Variants in ZCCHC4 observed in about 807,000 individuals in gnomAD.
ZCCHC4 encodes rRNA N(6)-adenosine-methyltransferase ZCCHC4.
In ZCCHC4, 54 loss-of-function variants were observed where a neutral mutation model predicts 67.7. The ratio of observed to expected loss-of-function variants is 0.80; its 90% CI spans 0.64 to 1.00. ZCCHC4 has a LOEUF of 1.00. Among genes scored for constraint, ZCCHC4 ranks in the 50% least tolerant of loss-of-function variants. The probability of loss-of-function intolerance (pLI) is 0.00; values close to 1 mark genes in which losing one functional copy is unlikely to be tolerated. For missense variants in ZCCHC4, 609 were observed against 617.0 expected (o/e 0.99, Z 0.14); for synonymous variants, 198 against 213.5 (o/e 0.93, Z 0.63).
chr4:25,365,929 A>C, intron 12 of ZCCHC4: 1 of 984,450 alleles, frequency 1.0e-6, no homozygotes, highest in Non-Finnish European at 1.2e-6. Flanking sequence ...CTTTATTGCT[A>C]AGAAAACTAA....
intron 5 of ZCCHC4, among the ~76,000 whole-genome samples, chr4:25,339,505 T>C (rs1719624488): frequency 1.3e-5 from 2 of 152,380 alleles, no homozygotes; most frequent in East Asian, 3.9e-4. Context: ...TTGTATTCCA[T>C]GATGGCTAGT....
At chr4:25,331,543 G>A (rs955643011) in intron 3 of ZCCHC4, among the ~76,000 whole-genome samples, 12 of 152,216 alleles carry the variant, frequency 7.9e-5, no homozygotes, top group African/African-American at 2.9e-4. Context: ...CTGGCCTCAA[G>A]TGATCCTCCT....
chr4:25,313,065 T>A, intron 1 of ZCCHC4, 129 bp downstream of exon 1: 2 of 1,335,228 alleles, frequency 1.5e-6, no homozygotes, highest in South Asian at 2.8e-5. Context: ...TAGAAAATAC[T>A]CCTTCCTCGG....
Position 25,333,906 on chromosome 4 carries a change from AGG to A in ZCCHC4, c.606-1_606del. On this transcript the variant is annotated splice_acceptor_variant and coding_sequence_variant, in exon 5 of 13. Coordinates refer to ENST00000302874, the MANE Select transcript of ZCCHC4 (RefSeq NM_024936.3). LOFTEE classifies it high-confidence loss of function. Reference sequence around the variant, plus strand: ...TACATTTGCTTTCACTAATTGCTTTAGGTTGCATGAGCTGATCAAGTTGACAG... The same window carrying A: ...TACATTTGCTTTCACTAATTGCTTTATTGCATGAGCTGATCAAGTTGACAG... The A allele has an allele frequency of 1.3e-6, 2 of 1,584,366 alleles. No homozygotes were observed. Among genetic ancestry groups the A allele is most frequent in the Non-Finnish European group, 1.7e-6 (2 of 1,171,142 alleles).
In ZCCHC4 at chr4:25,365,174, G is replaced by GA. The variant is rs1560418652; in HGVS notation, c.1406+10dup. On this transcript the variant is annotated intron_variant, in intron 12 of 12. Coordinates refer to ENST00000302874, the MANE Select transcript of ZCCHC4 (RefSeq NM_024936.3). ...ATCTAAGAGAGCTAACAAGTCAGTC[G>GA]AATACTTTACTAGAAAAATGTATTC... The GA allele has an allele frequency of 6.2e-7, 1 of 1,613,340 alleles. No homozygotes were observed. The highest frequency in any genetic ancestry group is 8.5e-7 in the Non-Finnish European group (1 of 1,179,672).
At position 25,316,324 on chromosome 4, in the gene ZCCHC4, T is replaced by G. The variant is rs558444140; in HGVS notation, c.329+924T>G. On this transcript the variant is annotated intron_variant, in intron 3 of 12. Coordinates refer to ENST00000302874, the MANE Select transcript of ZCCHC4 (RefSeq NM_024936.3). ...TATTAGTTTGAGACCCTGTCTTCAA[T>G]TCTTTTGGGTATATACCTAGATGTG... is the stretch of plus-strand genomic sequence containing the variant. Among the ~76,000 whole-genome samples the G allele has an allele frequency of 7.2e-5, 11 of 152,344 alleles. No homozygotes were observed. In the South Asian group the frequency reaches 2.3e-3, roughly 32 times the overall value.
intron 3 of ZCCHC4, among the ~76,000 whole-genome samples, chr4:25,327,394 CTCCCTCCTTCCCTCCT>C (rs796441070): frequency 2.4e-4 from 34 of 139,652 alleles, no homozygotes; most frequent in African/African-American, 4.4e-4. Context: ...CCCTCCCTCC[CTCCCTCCTTCCCTCCT>C]TCCCTCCTTC....
intron 10 of ZCCHC4, 66 bp downstream of exon 10, chr4:25,362,367 T>A: frequency 9.1e-7 from 1 of 1,096,560 alleles, no homozygotes; most frequent in Non-Finnish European, 1.3e-6. Flanking sequence ...TTACTAGTTT[T>A]ATTACTTTTT....
chr4:25,342,957 T>A (rs1324682026), intron 5 of ZCCHC4, among the ~76,000 whole-genome samples: 1 of 152,212 alleles, frequency 6.6e-6, no homozygotes, highest in Non-Finnish European at 1.5e-5. Flanking sequence ...TTCTAATTTT[T>A]AAAAATGACT....
chr4:25,363,608 T>C (rs1720836468), intron 10 of ZCCHC4, among the ~76,000 whole-genome samples: 1 of 152,230 alleles, frequency 6.6e-6, no homozygotes, highest in Non-Finnish European at 1.5e-5. Context: ...AGAAAGCACA[T>C]TTTTCTTGAT....
chr4:25,333,304 A>T lies in ZCCHC4; in HGVS notation c.451A>T (p.Ile151Phe), dbSNP rs1401252477. The change falls in exon 4 of 13, where the codon ATT (isoleucine) becomes TTT (phenylalanine). Residue 151 changes from isoleucine (I) to phenylalanine (F), a missense_variant. Ile to Phe is a conservative substitution (Grantham distance 21, BLOSUM62 0). Transcript: ENST00000302874. ...SEHQVLGNVS[I>F]TQLRRPSQLL... The stretch of plus-strand genomic sequence containing the variant: ...GCATCAGGTTCTGGGTAATGTGTCC[A>T]TTACCCAGTTAAGAAGGCCCAGTCA... The T allele has an allele frequency of 6.2e-7, 1 of 1,614,020 alleles. No homozygotes were observed. Among genetic ancestry groups the T allele is most frequent in the Non-Finnish European group, 8.5e-7 (1 of 1,180,018 alleles).
intron 3 of ZCCHC4, among the ~76,000 whole-genome samples, chr4:25,327,386 C>CTCCCTCCCTCCCTCCT (rs1718938986): frequency 7.2e-6 from 1 of 139,038 alleles, no homozygotes; most frequent in African/African-American, 3.0e-5. Flanking sequence ...ATCTCCCTCC[C>CTCCCTCCCTCCCTCCT]TCCCTCCCTC....
At chr4:25,355,859 G>C (rs952607733) in intron 8 of ZCCHC4, among the ~76,000 whole-genome samples, 2 of 152,194 alleles carry the variant, frequency 1.3e-5, no homozygotes, top group African/African-American at 4.8e-5. Flanking sequence ...AGACTTTGCT[G>C]CTGTGGTAGA....
chr4:25,353,459 C>G (rs1720394771), intron 8 of ZCCHC4, among the ~76,000 whole-genome samples: 2 of 152,318 alleles, frequency 1.3e-5, no homozygotes, highest in Non-Finnish European at 2.9e-5. Context: ...TGTTTCTTGT[C>G]TGAGGGATGC....
chr4:25,362,419 T>A, intron 10 of ZCCHC4, 118 bp downstream of exon 10: 1 of 572,536 alleles, frequency 1.7e-6, no homozygotes, highest in Non-Finnish European at 2.7e-6. Flanking sequence ...ATATGTATTA[T>A]CATTTATTAA....
At chr4:25,351,924 C>G (rs889006913) in intron 8 of ZCCHC4, 15 of 1,136,382 alleles carry the variant, frequency 1.3e-5, no homozygotes, top group Non-Finnish European at 1.6e-5. Context: ...AGGACAAAGC[C>G]CCAAGAAAAA....
chr4:25,324,500 A>T (rs1321718373), intron 3 of ZCCHC4, among the ~76,000 whole-genome samples: 1 of 152,212 alleles, frequency 6.6e-6, no homozygotes, highest in Non-Finnish European at 1.5e-5. Context: ...GTGTTGTAGA[A>T]AAAAGCTGCT....
chr4:25,351,810 C>T (rs1720313277), intron 8 of ZCCHC4, 121 bp downstream of exon 8: 1 of 1,007,628 alleles, frequency 9.9e-7, no homozygotes, highest in African/African-American at 1.7e-5. Context: ...TAATATTATA[C>T]CATATATAGC....
At chr4:25,329,460 C>T (rs981709213) in intron 3 of ZCCHC4, among the ~76,000 whole-genome samples, 1 of 150,802 alleles carries the variant, frequency 6.6e-6, no homozygotes, top group Non-Finnish European at 1.5e-5. Context: ...CTGTTATTCC[C>T]ATGTAAGGTG....
Sources: allele counts gnomAD v4.1 joint callset (sites outside exome capture counted in the v4.1 genomes callset), GRCh38; gene constraint gnomAD v4.1.1; transcripts MANE v1.5; gene names NCBI Gene and HGNC (gene_info 2026-07-23, HGNC 2026-07-21).